The following ANK3 variants were observed in gnomAD, a reference collection of about 807,000 sequenced individuals.
ANK3 encodes ankyrin-3.
A neutral mutation model predicts 370.9 loss-of-function variants in ANK3; 57 were observed. The observed-to-expected ratio is 0.15, with a 90% CI of 0.12 to 0.19. The LOEUF is 0.19. Ranked by LOEUF, ANK3 falls within the 10% of genes least tolerant of loss-of-function variation. The pLI is 1.00. For missense variants in ANK3, 4,439 were observed against 5,302.1 expected (o/e 0.84, Z 5.06); for synonymous variants, 1,929 against 1,946.3 (o/e 0.99, Z 0.23).
At chr10:60,384,075 G>C (rs1329659481) in intron 1 of ANK3, among the ~76,000 whole-genome samples, 5 of 152,080 alleles carry the variant, frequency 3.3e-5, no homozygotes, top group Non-Finnish European at 2.9e-5. Flanking sequence ...CCTCAGACAA[G>C]GTATTTTTAA....
At chr10:60,369,942 T>G (rs1370864844) in intron 1 of ANK3, among the ~76,000 whole-genome samples, 1 of 152,170 alleles carries the variant, frequency 6.6e-6, no homozygotes, top group Non-Finnish European at 1.5e-5. Flanking sequence ...TCATGGATTT[T>G]GGGGTAACGG....
intron 1 of ANK3, among the ~76,000 whole-genome samples, chr10:60,299,990 T>G (rs1219270907): frequency 6.6e-6 from 1 of 152,178 alleles, no homozygotes; most frequent in Non-Finnish European, 1.5e-5. Flanking sequence ...ATATAAACCT[T>G]TTTACGCTCT....
At chr10:60,339,020 T>TA (rs35050621) in intron 1 of ANK3, among the ~76,000 whole-genome samples, 57,751 of 152,032 alleles carry the variant, frequency 0.38, 11,880 homozygotes, top group Middle Eastern at 0.52. Context: ...AATTAGCATA[T>TA]ACTCCAAGAG....
At chr10:60,273,700 T>G (rs1035577610) in intron 4 of ANK3, among the ~76,000 whole-genome samples, 2 of 152,194 alleles carry the variant, frequency 1.3e-5, no homozygotes, top group East Asian at 3.9e-4. Context: ...TCCCCAGGTA[T>G]CAAGGGCGGG....
chr10:60,567,378 C>A lies in ANK3; in HGVS notation c.96+47808G>T, dbSNP rs573077892. 7.2e-5 allele frequency among the ~76,000 whole-genome samples: 11 copies of A among 152,194 alleles called. No individual in the cohort carries two copies. The East Asian group carries it at 1.9e-3, about 27-fold the overall frequency. On this transcript the variant is annotated intron_variant, in intron 2 of 43. Transcript: ENST00000373827. ...CTCTGCTTGTGATATATACATGGAA[C>A]AACAAAGCCTGGATGACAGTACATC...
intron 1 of ANK3, among the ~76,000 whole-genome samples, chr10:60,649,970 G>C (rs1032039675): frequency 6.6e-6 from 1 of 152,142 alleles, no homozygotes; most frequent in Non-Finnish European, 1.5e-5. Flanking sequence ...CACTGCATGA[G>C]AGCACATGTC....
intron 1 of ANK3, among the ~76,000 whole-genome samples, chr10:60,654,342 G>A (rs945751251): frequency 2.6e-5 from 4 of 152,098 alleles, no homozygotes; most frequent in Admixed American, 1.3e-4. Context: ...CCAGTACCGT[G>A]TTGAAAAGAA....
At chr10:60,093,481 C>T (rs1467437781) in intron 28 of ANK3, among the ~76,000 whole-genome samples, 1 of 152,166 alleles carries the variant, frequency 6.6e-6, no homozygotes, top group African/African-American at 2.4e-5. Context: ...TGAGATCAGT[C>T]TAGACCCACC....
At chr10:60,472,589 T>C (rs2133085154) in intron 2 of ANK3, among the ~76,000 whole-genome samples, 1 of 152,288 alleles carries the variant, frequency 6.6e-6, no homozygotes, top group African/African-American at 2.4e-5. Flanking sequence ...GAGAGTGAGA[T>C]ATAGTTGCAG....
intron 2 of ANK3, among the ~76,000 whole-genome samples, chr10:60,441,505 A>AT (rs1170347222): frequency 6.6e-6 from 1 of 152,062 alleles, no homozygotes; most frequent in African/African-American, 2.4e-5. Flanking sequence ...CCTATCTTGA[A>AT]TTTTTCTCTT....
At chr10:60,348,711 T>C (rs573755768) in intron 1 of ANK3, among the ~76,000 whole-genome samples, 1 of 152,274 alleles carries the variant, frequency 6.6e-6, no homozygotes, top group South Asian at 2.1e-4. Context: ...ACACTCATGA[T>C]ACATTATATT....
intron 1 of ANK3, among the ~76,000 whole-genome samples, chr10:60,636,361 A>G (rs2078554874): frequency 6.6e-6 from 1 of 152,204 alleles, no homozygotes; most frequent in South Asian, 2.1e-4. Flanking sequence ...TGCTAAACCT[A>G]TTAATTCCTA....
chr10:60,091,577 T>A (rs910737036), intron 28 of ANK3, among the ~76,000 whole-genome samples: 8 of 151,802 alleles, frequency 5.3e-5, no homozygotes, highest in Admixed American at 2.0e-4. Flanking sequence ...TGATTTGAGA[T>A]GTGACACTAG....
chr10:60,410,716 G>T (rs2063541565), intron 2 of ANK3, among the ~76,000 whole-genome samples: 1 of 152,058 alleles, frequency 6.6e-6, no homozygotes, highest in Admixed American at 6.5e-5. Context: ...GCCCAAGCTG[G>T]AGTGCAATTG....
chr10:60,562,529 T>A lies in ANK3; in HGVS notation c.96+52657A>T, dbSNP rs567687929. Among the ~76,000 whole-genome samples, 70 of 152,256 alleles carry A rather than the reference T, an allele frequency of 4.6e-4. 2 individuals are homozygous for A. The South Asian group carries it at 0.014, about 30-fold the overall frequency. ...TCCAGGTTCCAGCGATTCTCCTGCC[T>A]CGGCCTCCAGAGTAGCTGGGACTAC... is the stretch of plus-strand genomic sequence containing the variant. On this transcript the variant is annotated intron_variant, in intron 2 of 43. Transcript: ENST00000373827.
intron 2 of ANK3, among the ~76,000 whole-genome samples, chr10:60,602,945 T>G (rs2078083972): frequency 6.6e-6 from 1 of 152,092 alleles, no homozygotes; most frequent in African/African-American, 2.4e-5. Context: ...ACATTTAAAT[T>G]TTTCCTTCTT....
At chr10:60,257,428 GGA>G (rs2097755576) in intron 7 of ANK3, among the ~76,000 whole-genome samples, 1 of 152,182 alleles carries the variant, frequency 6.6e-6, no homozygotes, top group East Asian at 1.9e-4. Flanking sequence ...CTTCACAGAT[GGA>G]GTTATAGCAG....
chr10:60,397,610 T>G (rs999103598), intron 2 of ANK3, among the ~76,000 whole-genome samples: 19 of 152,216 alleles, frequency 1.2e-4, no homozygotes, highest in African/African-American at 4.6e-4. Flanking sequence ...GGATTCACCC[T>G]CTTCCTACTT....
At chr10:60,688,029 A>T (rs2079293930) in intron 1 of ANK3, among the ~76,000 whole-genome samples, 1 of 152,152 alleles carries the variant, frequency 6.6e-6, no homozygotes, top group Non-Finnish European at 1.5e-5. Context: ...AGAATCAAAG[A>T]GTGAAATGGT....
Sources: gnomAD v4.1 joint callset for allele counts (sites outside exome capture counted in the v4.1 genomes callset) on GRCh38, gnomAD v4.1.1 for gene constraint, MANE v1.5 for transcripts, NCBI Gene and HGNC (gene_info 2026-07-23, HGNC 2026-07-21) for gene names.